The following STXBP4 variants were observed in gnomAD, a reference collection of about 807,000 sequenced individuals.
STXBP4 encodes syntaxin-binding protein 4.
A neutral mutation model predicts 76.1 loss-of-function variants in STXBP4; 55 were observed. The ratio of observed to expected loss-of-function variants is 0.72; its 90% CI spans 0.58 to 0.91. The LOEUF is 0.91. STXBP4 is among the 40% of genes least tolerant of loss of function. STXBP4 has a pLI of 0.00. For missense variants in STXBP4, 618 were observed against 636.9 expected, an observed-to-expected ratio of 0.97 and a Z score of 0.32; for synonymous variants, 201 against 220.2, an observed-to-expected ratio of 0.91 and a Z score of 0.77.
chr17:55,079,574 G>T (rs1299220597), intron 15 of STXBP4, among the ~76,000 whole-genome samples: 1 of 145,942 alleles, frequency 6.9e-6, no homozygotes, highest in Admixed American at 7.0e-5. Flanking sequence ...GAACATAGTG[G>T]CACACAGTGG....
intron 12 of STXBP4, among the ~76,000 whole-genome samples, chr17:55,067,302 TA>T (rs1250264554): frequency 1.3e-5 from 2 of 152,012 alleles, no homozygotes; most frequent in Non-Finnish European, 1.5e-5. Context: ...ACGACAAATC[TA>T]AAAGATAAAA....
At chr17:55,180,563 T>TA in the STXBP4 span, among the ~76,000 whole-genome samples, 128,980 of 152,234 alleles carry the variant, frequency 0.85, 55,138 homozygotes, top group African/African-American at 0.94. Context: ...ACCACCAGTC[T>TA]AAAGAATTAC....
intron 16 of STXBP4, among the ~76,000 whole-genome samples, chr17:55,104,769 G>T (rs945486695): frequency 2.6e-5 from 4 of 151,920 alleles, no homozygotes; most frequent in Non-Finnish European, 4.4e-5. Context: ...GGCTTTTTTT[G>T]GTTGGTAGGC....
At position 55,166,436 on chromosome 17, in the gene STXBP4, G is replaced by A. The variant is rs1372918917; in HGVS notation, c.*6525G>A. The A allele has an allele frequency of 1.3e-5, 2 of 152,086 alleles. No individual in the cohort carries two copies. The highest frequency in any genetic ancestry group is 4.8e-5 in the African/African-American group (2 of 41,408). The allele number at this position is 152,086 out of a possible 1,614,324, so 9.4% of individuals were successfully genotyped here. A position where few individuals can be genotyped will look rare whatever the true frequency, so the allele number is the denominator to read the frequency against. On this transcript the variant is annotated 3_prime_UTR_variant, in exon 18 of 18. Transcript: ENST00000376352. ...AATTGCTTCTATTCCTCCCTTGCTAGTCTTCAGTAGTTCCCTAGCACCTTC... is the reference window on the plus strand; with the variant it reads ...AATTGCTTCTATTCCTCCCTTGCTAATCTTCAGTAGTTCCCTAGCACCTTC...
chr17:55,195,848 C>T, the STXBP4 span, among the ~76,000 whole-genome samples: 1 of 152,152 alleles, frequency 6.6e-6, no homozygotes, highest in Non-Finnish European at 1.5e-5. Flanking sequence ...TTTTGGTTGT[C>T]ACAGTGTCAG....
intron 3 of STXBP4, among the ~76,000 whole-genome samples, 188 bp from the exon 4 acceptor site, chr17:54,990,637 C>T (rs956987205): frequency 6.6e-6 from 1 of 152,136 alleles, no homozygotes; most frequent in Non-Finnish European, 1.5e-5. Flanking sequence ...AACCATCACC[C>T]CTCTGCAACC....
chr17:55,118,926 A>G (rs2079812626), intron 16 of STXBP4, among the ~76,000 whole-genome samples: 1 of 149,706 alleles, frequency 6.7e-6, no homozygotes, highest in Non-Finnish European at 1.5e-5. Context: ...AAAAAGTGGA[A>G]GCTGTATTAA....
intron 9 of STXBP4, among the ~76,000 whole-genome samples, chr17:55,032,822 C>G (rs1394437724): frequency 1.3e-5 from 2 of 152,120 alleles, no homozygotes; most frequent in Non-Finnish European, 2.9e-5. Context: ...CTATGGTATT[C>G]TCTCTGAAGA....
chr17:55,068,702 T>C (rs976587632), intron 12 of STXBP4, among the ~76,000 whole-genome samples: 1 of 152,122 alleles, frequency 6.6e-6, no homozygotes, highest in African/African-American at 2.4e-5. Flanking sequence ...CCAAGAACTA[T>C]TATAGTTTCT....
chr17:55,189,069 A>G, the STXBP4 span, among the ~76,000 whole-genome samples: 51 of 152,194 alleles, frequency 3.4e-4, no homozygotes, highest in Middle Eastern at 3.4e-3. Flanking sequence ...TTTTGTAGGA[A>G]TGAATTATAC....
chr17:55,186,366 G>A, the STXBP4 span, among the ~76,000 whole-genome samples: 3,890 of 152,238 alleles, frequency 0.026, 135 homozygotes, highest in African/African-American at 0.085. Context: ...TACGGAAAAA[G>A]CGATCTTAAG....
intron 12 of STXBP4, among the ~76,000 whole-genome samples, chr17:55,067,254 A>G (rs1429609217): frequency 6.6e-6 from 1 of 152,182 alleles, no homozygotes; most frequent in Non-Finnish European, 1.5e-5. Flanking sequence ...ACAGTTCAAG[A>G]TAGCAGTTAA....
Position 55,168,239 on chromosome 17 carries a change from A to G in STXBP4, c.*8328A>G, listed in dbSNP as rs1193157331. 4 of 61,426 alleles carry G rather than the reference A, an allele frequency of 6.5e-5. No individual in the cohort carries two copies. The highest frequency in any genetic ancestry group is 3.5e-4 in the Admixed American group (3 of 8,538). 3.8% of individuals were successfully genotyped at this position (61,426 alleles called of 1,614,324 possible). The stretch of plus-strand genomic sequence containing the variant: ...TGTATATATATATATCTGTGTGTAT[A>G]TACACACCACACACACACACACACA... On this transcript the variant is annotated 3_prime_UTR_variant, in exon 18 of 18. Transcript: ENST00000376352.
At chr17:55,200,629 A>G in the STXBP4 span, among the ~76,000 whole-genome samples, 10 of 152,184 alleles carry the variant, frequency 6.6e-5, no homozygotes, top group African/African-American at 2.4e-4. Flanking sequence ...TATCTAATTC[A>G]CTGGTCTTTC....
chr17:55,108,156 G>A (rs1292811565), intron 16 of STXBP4, among the ~76,000 whole-genome samples: 2 of 152,190 alleles, frequency 1.3e-5, no homozygotes, highest in East Asian at 3.9e-4. Flanking sequence ...TGGCTACAGT[G>A]GCTTTGCCCA....
In STXBP4 at chr17:55,038,030, G is replaced by A. The variant is rs542839272; in HGVS notation, c.855+3771G>A. Among the ~76,000 whole-genome samples the A allele has an allele frequency of 3.3e-4, 50 of 152,202 alleles. 1 individual carries two copies. Among genetic ancestry groups the A allele is most frequent in the Middle Eastern group, 6.8e-3 (2 of 294 alleles). On this transcript the variant is annotated intron_variant, in intron 10 of 17. Coordinates refer to ENST00000376352, the MANE Select transcript of STXBP4 (RefSeq NM_178509.6). ...GATGCTGACTGTCTGTGAGGGTGGG[G>A]AATTCCACTATGGTTACCCTGTCAA...
intron 8 of STXBP4, among the ~76,000 whole-genome samples, chr17:55,021,551 G>T (rs2078310378): frequency 6.6e-6 from 1 of 151,914 alleles, no homozygotes; most frequent in East Asian, 1.9e-4. Context: ...TTTATAAAAG[G>T]AATTAGCACC....
chr17:55,092,504 T>C (rs1190757636), intron 16 of STXBP4, among the ~76,000 whole-genome samples: 1 of 152,226 alleles, frequency 6.6e-6, no homozygotes, highest in Non-Finnish European at 1.5e-5. Flanking sequence ...GAAATGGATG[T>C]TCAACTTTTA....
At chr17:55,196,911 A>G in the STXBP4 span, among the ~76,000 whole-genome samples, 1 of 152,220 alleles carries the variant, frequency 6.6e-6, no homozygotes, top group Non-Finnish European at 1.5e-5. Flanking sequence ...CATGATGAAG[A>G]GCATGCATTC....
Sources: gnomAD v4.1 joint callset for allele counts (sites outside exome capture counted in the v4.1 genomes callset) on GRCh38, gnomAD v4.1.1 for gene constraint, MANE v1.5 for transcripts, NCBI Gene and HGNC (gene_info 2026-07-23, HGNC 2026-07-21) for gene names.